The following PTPRD variants were observed in gnomAD, a reference collection of about 807,000 sequenced individuals.
The protein encoded by PTPRD is receptor-type tyrosine-protein phosphatase delta.
A neutral mutation model predicts 214.5 loss-of-function variants in PTPRD; 34 were observed. The observed-to-expected ratio is 0.16, with a 90% CI of 0.12 to 0.21. The LOEUF is 0.21. PTPRD is among the 10% of genes least tolerant of loss of function. PTPRD has a pLI of 1.00. For synonymous variants in PTPRD, 1,128 were observed against 845.7 expected (o/e 1.33, Z -5.79); for missense variants, 2,545 against 2,398.7 (o/e 1.06, Z -1.27).
intron 5 of PTPRD, among the ~76,000 whole-genome samples, chr9:9,835,640 G>C (rs2153617179): frequency 6.6e-6 from 1 of 152,208 alleles, no homozygotes; most frequent in South Asian, 2.1e-4. Context: ...GACAGAGTCT[G>C]AGTATGAAAA....
At chr9:8,781,203 C>G (rs745701763) in intron 11 of PTPRD, among the ~76,000 whole-genome samples, 1 of 152,178 alleles carries the variant, frequency 6.6e-6, no homozygotes, top group Non-Finnish European at 1.5e-5. Context: ...GAGAATTTAT[C>G]ATCGGCAGGG....
chr9:8,636,892 G>C (rs1267891372), intron 12 of PTPRD, 48 bp from the exon 13 acceptor site: 2 of 1,592,672 alleles, frequency 1.3e-6, no homozygotes, highest in Non-Finnish European at 1.7e-6. Context: ...CTGAAATACA[G>C]ACTATTATCC....
intron 7 of PTPRD, among the ~76,000 whole-genome samples, chr9:9,614,939 A>T (rs1259564390): frequency 1.3e-5 from 2 of 152,072 alleles, no homozygotes; most frequent in African/African-American, 4.8e-5. Context: ...TTGTTTAAGC[A>T]TTTCTCCTTA....
At chr9:9,695,825 A>T (rs934840456) in intron 7 of PTPRD, among the ~76,000 whole-genome samples, 2 of 152,258 alleles carry the variant, frequency 1.3e-5, no homozygotes, top group African/African-American at 4.8e-5. Context: ...GGATGTTTAC[A>T]TCTGTGTTTA....
At chr9:8,458,870 T>A (rs931425429) in intron 33 of PTPRD, among the ~76,000 whole-genome samples, 3 of 152,110 alleles carry the variant, frequency 2.0e-5, no homozygotes, top group Admixed American at 2.0e-4. Flanking sequence ...GATAATTGAA[T>A]GATGGCAGTG....
At chr9:9,209,994 C>T (rs908515188) in intron 9 of PTPRD, among the ~76,000 whole-genome samples, 12 of 152,128 alleles carry the variant, frequency 7.9e-5, no homozygotes, top group Admixed American at 2.0e-4. Context: ...ATGATTATCA[C>T]GCAGTAGATT....
intron 8 of PTPRD, among the ~76,000 whole-genome samples, chr9:9,494,432 G>C (rs1482358026): frequency 1.3e-5 from 2 of 152,112 alleles, no homozygotes; most frequent in Non-Finnish European, 2.9e-5. Context: ...TAAAGAAATT[G>C]CCACAACCAC....
rs1308535429 is a variant in PTPRD at position 10,612,751 on chromosome 9, G to C, written c.-771C>G. 6.5e-6 allele frequency: 1 copy of C among 152,784 alleles called. No individual in the cohort carries two copies. Among genetic ancestry groups the C allele is most frequent in the East Asian group, 1.9e-4 (1 of 5,176 alleles). The allele number at this position is 152,784 out of a possible 1,614,324, so 9.5% of individuals were successfully genotyped here. On this transcript the variant is annotated 5_prime_UTR_variant, in exon 1 of 46. Coordinates refer to ENST00000381196, the MANE Select transcript of PTPRD (RefSeq NM_002839.4). The stretch of plus-strand genomic sequence containing the variant: ...CCGGAGGGGAGGAGGCTCGGGAGGA[G>C]GAGGAGAAAGAGCAGCGGGAGGACT...
intron 7 of PTPRD, among the ~76,000 whole-genome samples, chr9:9,688,804 T>C (rs2097210807): frequency 6.6e-6 from 1 of 151,880 alleles, no homozygotes; most frequent in Admixed American, 6.6e-5. Flanking sequence ...ATTTTAAATC[T>C]TCCAAGTTCC....
intron 10 of PTPRD, among the ~76,000 whole-genome samples, chr9:9,114,634 G>T (rs1380330228): frequency 1.3e-5 from 2 of 152,024 alleles, no homozygotes; most frequent in East Asian, 1.9e-4. Flanking sequence ...AAAGATGCTT[G>T]GACTGCCTCC....
At chr9:10,265,894 T>C (rs10809050) in intron 3 of PTPRD, among the ~76,000 whole-genome samples, 7,913 of 152,256 alleles carry the variant, frequency 0.052, 445 homozygotes, top group East Asian at 0.14. Context: ...ATTACAGTAA[T>C]CTAGTTTATG....
chr9:10,055,852 G>C (rs900362731), intron 3 of PTPRD, among the ~76,000 whole-genome samples: 1 of 150,126 alleles, frequency 6.7e-6, no homozygotes, highest in African/African-American at 2.5e-5. Context: ...ATATACAAAT[G>C]TATACATTAT....
intron 4 of PTPRD, among the ~76,000 whole-genome samples, chr9:10,016,243 G>A (rs1003333980): frequency 2.0e-5 from 3 of 152,090 alleles, no homozygotes; most frequent in African/African-American, 7.2e-5. Context: ...TAATGACATT[G>A]TTTTCTTTTA....
chr9:9,726,413 T>C (rs747846884), intron 7 of PTPRD, among the ~76,000 whole-genome samples: 8 of 152,050 alleles, frequency 5.3e-5, no homozygotes, highest in Non-Finnish European at 7.4e-5. Flanking sequence ...AGTGTAAAAT[T>C]ATTTGTCTAT....
intron 12 of PTPRD, among the ~76,000 whole-genome samples, chr9:8,731,277 T>C (rs1411085501): frequency 2.6e-5 from 4 of 152,202 alleles, no homozygotes; most frequent in African/African-American, 4.8e-5. Context: ...CATCCCCATA[T>C]GGTCTTCTTT....
chr9:9,416,494 C>T (rs533247257), intron 8 of PTPRD, among the ~76,000 whole-genome samples: 26 of 152,226 alleles, frequency 1.7e-4, no homozygotes, highest in Admixed American at 7.9e-4. Flanking sequence ...AGAGCGTGCT[C>T]GGTGAATGTT....
At chr9:8,954,677 T>C (rs2099122010) in intron 11 of PTPRD, among the ~76,000 whole-genome samples, 1 of 151,796 alleles carries the variant, frequency 6.6e-6, no homozygotes, top group East Asian at 1.9e-4. Context: ...ACATATTAGT[T>C]TGTATGCAAA....
At chr9:9,003,447 C>A (rs956892198) in intron 11 of PTPRD, among the ~76,000 whole-genome samples, 3 of 152,022 alleles carry the variant, frequency 2.0e-5, no homozygotes, top group African/African-American at 7.2e-5. Flanking sequence ...AATGCCTATT[C>A]TCCTTTAGTA....
Position 8,341,281 on chromosome 9 carries a change from A to T in PTPRD, c.4948-13T>A. ...AGCTGGCTAGACGCTGTTGAATAGG[A>T]AAAAAAAAAAAGGAAAAACCCAACA... On this transcript the variant is annotated splice_polypyrimidine_tract_variant and intron_variant, in intron 40 of 45. Transcript: ENST00000381196. The T allele has an allele frequency of 2.2e-6, 1 of 462,014 alleles. No homozygotes were observed. 28.6% of individuals were successfully genotyped at this position (462,014 alleles called of 1,614,324 possible).
Sources: allele counts gnomAD v4.1 joint callset (sites outside exome capture counted in the v4.1 genomes callset), GRCh38; gene constraint gnomAD v4.1.1; transcripts MANE v1.5; gene names NCBI Gene and HGNC (gene_info 2026-07-23, HGNC 2026-07-21).